Variants in NEO1 observed in about 807,000 individuals in gnomAD.
NEO1 encodes the protein neogenin.
A neutral mutation model predicts 159.7 loss-of-function variants in NEO1; 63 were observed. That is an observed-to-expected ratio of 0.39 (90% CI 0.32 to 0.49). NEO1 has a LOEUF of 0.49. NEO1 is among the 20% of genes least tolerant of loss of function. The probability of loss-of-function intolerance (pLI) is 0.85; values close to 1 mark genes in which losing one functional copy is unlikely to be tolerated. For missense variants in NEO1, 1,615 were observed against 1,831.0 expected, an observed-to-expected ratio of 0.88 and a Z score of 2.15; for synonymous variants, 633 against 662.0, an observed-to-expected ratio of 0.96 and a Z score of 0.67.
intron 5 of NEO1, among the ~76,000 whole-genome samples, chr15:73,137,197 C>G (rs1359530892): frequency 4.6e-5 from 7 of 152,110 alleles, no homozygotes; most frequent in Non-Finnish European, 8.8e-5. Context: ...CAATTACTCT[C>G]AGATTGGCAA....
intron 16 of NEO1, among the ~76,000 whole-genome samples, chr15:73,267,151 G>A (rs1239834653): frequency 6.6e-6 from 1 of 152,160 alleles, no homozygotes; most frequent in Non-Finnish European, 1.5e-5. Flanking sequence ...CCAGCAACTC[G>A]GAAGGCTGAG....
chr15:73,119,266 T>A (rs1480275005), intron 2 of NEO1, among the ~76,000 whole-genome samples: 3 of 152,060 alleles, frequency 2.0e-5, no homozygotes, highest in Non-Finnish European at 4.4e-5. Context: ...CTTTATGGTA[T>A]ATAAATTACA....
intron 4 of NEO1, among the ~76,000 whole-genome samples, chr15:73,129,651 T>C (rs2030828198): frequency 6.6e-6 from 1 of 152,200 alleles, no homozygotes; most frequent in African/African-American, 2.4e-5. Context: ...TAAATGCTAG[T>C]GTTCAAGGTG....
chr15:73,270,439 A>G lies in NEO1; in HGVS notation c.2842A>G (p.Thr948Ala). 7.4e-6 allele frequency: 12 copies of G among 1,613,208 alleles called. No homozygotes were observed. The highest frequency in any genetic ancestry group is 9.3e-6 in the Non-Finnish European group (11 of 1,179,854). The change falls in exon 18 of 29, where the codon ACC becomes GCC. Residue 948 changes from threonine to alanine, a missense_variant. Around this residue, in one of 3 missense-constraint regions of NEO1, gnomAD observed 126 missense variants for 216.7 expected, o/e 0.58. Coordinates refer to ENST00000261908, the MANE Select transcript of NEO1 (RefSeq NM_002499.4). ...TACATGGAGTATGACAGCCCATGGGACCACCTTTGAATTAGGTATGTGTTG... is the reference window on the plus strand; with the variant it reads ...TACATGGAGTATGACAGCCCATGGGGCCACCTTTGAATTAGGTATGTGTTG... The part of the protein sequence containing the change: ...SSTWSMTAHG[T>A]TFELVPTSPP...
At chr15:73,169,874 G>A (rs1211389595) in intron 5 of NEO1, among the ~76,000 whole-genome samples, 1 of 151,784 alleles carries the variant, frequency 6.6e-6, no homozygotes, top group East Asian at 1.9e-4. Context: ...AATTGTGGGT[G>A]TGGGTATGTG....
intron 11 of NEO1, among the ~76,000 whole-genome samples, chr15:73,249,966 A>G (rs867930925): frequency 6.6e-6 from 1 of 152,212 alleles, no homozygotes; most frequent in East Asian, 1.9e-4. Flanking sequence ...CTCTTACTGG[A>G]TAGGCTCTCA....
chr15:73,228,589 T>G (rs1236729569), intron 7 of NEO1, among the ~76,000 whole-genome samples: 2 of 151,622 alleles, frequency 1.3e-5, no homozygotes, highest in African/African-American at 4.8e-5. Flanking sequence ...TTTTTCTGGG[T>G]TTTTTTTAGT....
intron 1 of NEO1, among the ~76,000 whole-genome samples, chr15:73,062,706 G>A (rs186931880): frequency 1.1e-4 from 16 of 152,290 alleles, no homozygotes; most frequent in Admixed American, 8.5e-4. Flanking sequence ...ACTTGAGCCA[G>A]TTTGGCCCAA....
At chr15:73,116,436 A>G (rs1442939240) in intron 1 of NEO1, 104 bp from the exon 2 acceptor site, 2 of 952,452 alleles carry the variant, frequency 2.1e-6, no homozygotes, top group Admixed American at 3.1e-5. Flanking sequence ...TGTCACATTC[A>G]AAGAACAACA....
At chr15:73,180,786 T>A (rs1434173502) in intron 7 of NEO1, among the ~76,000 whole-genome samples, 1 of 152,212 alleles carries the variant, frequency 6.6e-6, no homozygotes, top group African/African-American at 2.4e-5. Context: ...CTGATGAAAT[T>A]TTTTAGTGAC....
chr15:73,275,640 G>T (rs771800001), intron 21 of NEO1, among the ~76,000 whole-genome samples: 35 of 152,106 alleles, frequency 2.3e-4, no homozygotes, highest in Non-Finnish European at 4.6e-4. Flanking sequence ...AGGTGACAGA[G>T]TGAGACCCTG....
chr15:73,279,361 T>TTTTTTTTTTTTTTTTTTTTTTTTG (rs2041582625), intron 22 of NEO1, among the ~76,000 whole-genome samples: 1 of 144,564 alleles, frequency 6.9e-6, no homozygotes, highest in Admixed American at 7.1e-5. Context: ...GTTTTTTTTT[T>TTTTTTTTTTTTTTTTTTTTTTTTG]TTTTTGAGAT....
chr15:73,142,629 G>C (rs1411823786), intron 5 of NEO1, among the ~76,000 whole-genome samples: 2 of 152,118 alleles, frequency 1.3e-5, no homozygotes, highest in Non-Finnish European at 2.9e-5. Flanking sequence ...GATTTCAGGG[G>C]AGGGTAGAGT....
intron 1 of NEO1, among the ~76,000 whole-genome samples, chr15:73,091,931 G>A (rs2151449235): frequency 6.6e-6 from 1 of 152,012 alleles, no homozygotes; most frequent in African/African-American, 2.4e-5. Flanking sequence ...TGGCCTGTGA[G>A]CTGTATTCTT....
At position 73,173,957 on chromosome 15, in the gene NEO1, G is replaced by A. The variant is rs559598710; in HGVS notation, c.1016-2446G>A. 9.7e-4 allele frequency among the ~76,000 whole-genome samples: 147 copies of A among 151,964 alleles called. 1 individual carries two copies. The highest frequency in any genetic ancestry group is 2.7e-3 in the African/African-American group (113 of 41,462). ...TCTACTAAAAATACAAAAATTAGCC[G>A]GACGTGGTGGTGCACGTCTGTAATC... On this transcript the variant is annotated intron_variant, in intron 5 of 28. Coordinates refer to ENST00000261908, the MANE Select transcript of NEO1 (RefSeq NM_002499.4).
chr15:73,056,575 C>G (rs556045043), intron 1 of NEO1, among the ~76,000 whole-genome samples: 286 of 152,242 alleles, frequency 1.9e-3, no homozygotes, highest in African/African-American at 6.3e-3. Context: ...GTTTTTAACC[C>G]GTAGGGCCAT....
chr15:73,238,661 A>G (rs934571948), intron 8 of NEO1, among the ~76,000 whole-genome samples: 2 of 152,072 alleles, frequency 1.3e-5, no homozygotes, highest in Admixed American at 6.5e-5. Flanking sequence ...TAGCAAATCC[A>G]GAAGCCATAA....
chr15:73,066,514 T>C (rs1410009595), intron 1 of NEO1, among the ~76,000 whole-genome samples: 2 of 152,060 alleles, frequency 1.3e-5, no homozygotes, highest in Non-Finnish European at 2.9e-5. Flanking sequence ...GTGTTGTGTA[T>C]GAAAAATTAT....
chr15:73,179,278 A>G (rs1246127456), intron 7 of NEO1, among the ~76,000 whole-genome samples: 2 of 152,198 alleles, frequency 1.3e-5, no homozygotes, highest in African/African-American at 2.4e-5. Flanking sequence ...TACAACCCCT[A>G]GGTCTGAGAT....
Sources: allele counts gnomAD v4.1 joint callset (sites outside exome capture counted in the v4.1 genomes callset), GRCh38; gene constraint gnomAD v4.1.1; regional missense constraint gnomAD v4.1.1; transcripts MANE v1.5; gene names NCBI Gene and HGNC (gene_info 2026-07-23, HGNC 2026-07-21).